The following GRID2 variants were observed in gnomAD, a reference collection of about 807,000 sequenced individuals.
GRID2 encodes glutamate ionotropic receptor delta type subunit 2.
GRID2 carries 33 observed loss-of-function variants against 114.8 expected under a neutral mutation model. The observed-to-expected ratio is 0.29, with a 90% CI of 0.22 to 0.38. The LOEUF (loss-of-function observed/expected upper bound fraction) is 0.38, where lower values mean the gene tolerates loss of function less well. Among genes scored for constraint, GRID2 ranks in the 10% least tolerant of loss-of-function variants. GRID2 has a pLI of 1.00. For missense variants in GRID2, 1,184 were observed against 1,257.7 expected, an observed-to-expected ratio of 0.94 and a Z score of 0.89; for synonymous variants, 505 against 449.9, an observed-to-expected ratio of 1.12 and a Z score of -1.55.
chr4:92,829,899 A>C (rs2149397422), intron 2 of GRID2, among the ~76,000 whole-genome samples: 1 of 152,128 alleles, frequency 6.6e-6, no homozygotes, highest in African/African-American at 2.4e-5. Context: ...ATATGGACAC[A>C]AGGAGGGGAA....
intron 14 of GRID2, among the ~76,000 whole-genome samples, chr4:93,736,032 T>C (rs1285862521): frequency 1.3e-5 from 2 of 151,928 alleles, no homozygotes; most frequent in East Asian, 3.8e-4. Flanking sequence ...TAATTTAGTA[T>C]AATCTAAGTA....
intron 2 of GRID2, among the ~76,000 whole-genome samples, chr4:92,606,677 C>T (rs1321136429): frequency 6.6e-6 from 1 of 151,918 alleles, no homozygotes; most frequent in Non-Finnish European, 1.5e-5. Flanking sequence ...ATTCCCCTTT[C>T]GTTGGCTGCA....
intron 8 of GRID2, among the ~76,000 whole-genome samples, chr4:93,292,815 T>A (rs1027567146): frequency 6.6e-6 from 1 of 152,166 alleles, no homozygotes; most frequent in African/African-American, 2.4e-5. Flanking sequence ...CTTCCTTTCC[T>A]CCTTAATATA....
At chr4:92,316,884 G>A (rs1423596972) in intron 1 of GRID2, among the ~76,000 whole-genome samples, 1 of 152,074 alleles carries the variant, frequency 6.6e-6, no homozygotes, top group Non-Finnish European at 1.5e-5. Flanking sequence ...CCATATTGTA[G>A]CTATAGGCTA....
At chr4:93,539,822 T>G (rs112289905) in intron 13 of GRID2, among the ~76,000 whole-genome samples, 25 of 152,162 alleles carry the variant, frequency 1.6e-4, no homozygotes, top group Admixed American at 1.2e-3. Flanking sequence ...TGTTTGTTTG[T>G]GTGCTCTGGA....
intron 2 of GRID2, among the ~76,000 whole-genome samples, chr4:93,000,476 A>G (rs1435358609): frequency 1.3e-5 from 2 of 151,606 alleles, no homozygotes; most frequent in Admixed American, 6.6e-5. Context: ...AGAAAAATCT[A>G]TAGCTTATTA....
chr4:93,348,057 G>A (rs772722683), intron 8 of GRID2, among the ~76,000 whole-genome samples: 35 of 151,960 alleles, frequency 2.3e-4, no homozygotes, highest in Non-Finnish European at 7.4e-5. Context: ...CCAGAAAATT[G>A]GATACTTACT....
intron 2 of GRID2, among the ~76,000 whole-genome samples, chr4:92,638,305 C>T (rs988860418): frequency 6.6e-6 from 1 of 151,416 alleles, no homozygotes; most frequent in Non-Finnish European, 1.5e-5. Flanking sequence ...AACCAGAAAC[C>T]CAGCTTCCAT....
intron 8 of GRID2, among the ~76,000 whole-genome samples, chr4:93,347,030 G>T (rs1013139577): frequency 6.6e-6 from 1 of 151,894 alleles, no homozygotes; most frequent in African/African-American, 2.4e-5. Flanking sequence ...AGCATCTTTC[G>T]GTCTTTCCTT....
chr4:92,431,665 AT>A (rs1732461434), intron 1 of GRID2, among the ~76,000 whole-genome samples: 1 of 151,314 alleles, frequency 6.6e-6, no homozygotes, highest in African/African-American at 2.4e-5. Context: ...TCTCTATGTT[AT>A]CTTGAATTTC....
intron 1 of GRID2, among the ~76,000 whole-genome samples, chr4:92,411,655 G>GTGTGTGTGTGTGTGTGTATATATATA: frequency 1.2e-5 from 1 of 84,724 alleles, no homozygotes. Context: ...GTGTGTGTGT[G>GTGTGTGTGTGTGTGTGTATATATATA]TATATATATA....
chr4:92,906,889 G>T (rs562395409), intron 2 of GRID2, among the ~76,000 whole-genome samples: 1 of 152,032 alleles, frequency 6.6e-6, no homozygotes, highest in East Asian at 1.9e-4. Context: ...GTTGGCCTTG[G>T]ACTAGCAGCA....
intron 2 of GRID2, among the ~76,000 whole-genome samples, chr4:92,853,239 G>A (rs1743951716): frequency 6.6e-6 from 1 of 151,942 alleles, no homozygotes; most frequent in African/African-American, 2.4e-5. Context: ...TATGACTCAG[G>A]AAGTGCCAAA....
At chr4:92,676,509 G>C (rs1412820863) in intron 2 of GRID2, among the ~76,000 whole-genome samples, 2 of 151,950 alleles carry the variant, frequency 1.3e-5, no homozygotes, top group African/African-American at 2.4e-5. Flanking sequence ...AATTCTGTAC[G>C]TTTCTTGGCT....
chr4:93,771,592 A>G (rs1198568902), intron 15 of GRID2, among the ~76,000 whole-genome samples: 1 of 152,210 alleles, frequency 6.6e-6, no homozygotes, highest in South Asian at 2.1e-4. Context: ...TCAGTATGAA[A>G]TAGCTTACTA....
chr4:93,733,715 G>T (rs1191289441), intron 14 of GRID2, among the ~76,000 whole-genome samples: 1 of 152,052 alleles, frequency 6.6e-6, no homozygotes, highest in Non-Finnish European at 1.5e-5. Context: ...TGATCAAAAA[G>T]TAACCACAGA....
chr4:92,638,812 T>G, intron 2 of GRID2, among the ~76,000 whole-genome samples: 1 of 151,198 alleles, frequency 6.6e-6, no homozygotes, highest in East Asian at 2.0e-4. Context: ...CTTTGAAAAT[T>G]TAATATTTGT....
intron 8 of GRID2, among the ~76,000 whole-genome samples, chr4:93,375,306 G>A (rs961616949): frequency 1.3e-5 from 2 of 148,240 alleles, no homozygotes; most frequent in Admixed American, 6.8e-5. Context: ...TCTGCCTCCC[G>A]GGTTCAAGTG....
intron 2 of GRID2, among the ~76,000 whole-genome samples, chr4:92,907,937 C>T (rs895806255): frequency 6.6e-6 from 1 of 151,978 alleles, no homozygotes; most frequent in South Asian, 2.1e-4. Context: ...GCAGGAGAAT[C>T]GCTTGAATCC....
Sources: gnomAD v4.1 joint callset for allele counts (sites outside exome capture counted in the v4.1 genomes callset) on GRCh38, gnomAD v4.1.1 for gene constraint, MANE v1.5 for transcripts, NCBI Gene and HGNC (gene_info 2026-07-23, HGNC 2026-07-21) for gene names.